SGO2: variants seen among roughly 807,000 people sequenced by gnomAD.
SGO2 encodes shugoshin-like 2.
Under a neutral mutation model 99.5 loss-of-function variants are expected in SGO2, and 68 were observed. That is an observed-to-expected ratio of 0.68 (90% confidence interval 0.56 to 0.84). SGO2 has a LOEUF of 0.84. Ranked by LOEUF, SGO2 falls within the 40% of genes least tolerant of loss-of-function variation. The pLI is 0.00. For missense variants in SGO2, 1,350 were observed against 1,436.7 expected, an observed-to-expected ratio of 0.94 and a Z score of 0.97; for synonymous variants, 457 against 487.1, an observed-to-expected ratio of 0.94 and a Z score of 0.81.
At chr2:200,533,178 C>T in intron 2 of SGO2, 70 bp downstream of exon 2, 1 of 1,436,646 alleles carries the variant, frequency 7.0e-7, no homozygotes, top group Non-Finnish European at 9.3e-7. Context: ...TATTTGCTAC[C>T]TTATTTTATC....
At chr2:200,552,509 C>A (rs553648210) in intron 5 of SGO2, among the ~76,000 whole-genome samples, 1 of 152,056 alleles carries the variant, frequency 6.6e-6, no homozygotes, top group Admixed American at 6.6e-5. Flanking sequence ...TGATCATATG[C>A]GAAACAAGGG....
At chr2:200,566,776 C>T (rs2033204540) in intron 5 of SGO2, among the ~76,000 whole-genome samples, 1 of 152,186 alleles carries the variant, frequency 6.6e-6, no homozygotes, top group South Asian at 2.1e-4. Flanking sequence ...ATGGCGGGCA[C>T]CCGTCCCCCC....
intron 2 of SGO2, among the ~76,000 whole-genome samples, chr2:200,533,641 CAA>C (rs373380994): frequency 7.3e-6 from 1 of 136,356 alleles, no homozygotes; most frequent in South Asian, 2.3e-4. Flanking sequence ...ATCAGAAGGG[CAA>C]AAAAAAAAGG....
intron 8 of SGO2, among the ~76,000 whole-genome samples, chr2:200,578,189 G>A (rs1037644865): frequency 3.1e-4 from 6 of 19,404 alleles, no homozygotes; most frequent in East Asian, 7.4e-3. Flanking sequence ...GATATATATC[G>A]TGGGTATCTC....
At chr2:200,537,228 A>G (rs974128402) in intron 4 of SGO2, among the ~76,000 whole-genome samples, 1 of 152,006 alleles carries the variant, frequency 6.6e-6, no homozygotes, top group Admixed American at 6.6e-5. Context: ...TCCCTCTTGC[A>G]TCATTAATTT....
At chr2:200,576,560 C>A (rs10931907) in intron 8 of SGO2, among the ~76,000 whole-genome samples, 119,253 of 152,052 alleles carry the variant, frequency 0.78, 46,882 homozygotes, top group Middle Eastern at 0.82. Context: ...TGGGTGACAG[C>A]GTGAAACTGT....
chr2:200,528,726 T>C (rs925680373), intron 1 of SGO2, among the ~76,000 whole-genome samples: 1 of 152,002 alleles, frequency 6.6e-6, no homozygotes, highest in Admixed American at 6.5e-5. Context: ...GTCCAGGGAG[T>C]ATATGTAAAT....
rs767294473 is a variant in SGO2, at chr2:200,572,210, A to G, written c.1864A>G (p.Ile622Val). 6.2e-7 allele frequency: 1 copy of G among 1,612,876 alleles called. No individual in the cohort carries two copies. The highest frequency in any genetic ancestry group is 1.7e-5 in the Admixed American group (1 of 59,956). Residue 622 changes from isoleucine to valine, a missense_variant, in exon 7 of 9, where the codon ATA (isoleucine) becomes GTA (valine). Ile to Val is a conservative substitution (Grantham distance 29). Coordinates refer to ENST00000357799, the MANE Select transcript of SGO2 (RefSeq NM_152524.6). ...LRKKVNRKTEIISGMNHMYED... is the reference protein window; with the variant it reads ...LRKKVNRKTEVISGMNHMYED... ...AAAGAAAGTAAACCGGAAGACAGAA[A>G]TAATTTCTGGAATGAACCACATGTA...
chr2:200,580,202 T>A (rs2033795080), intron 8 of SGO2, among the ~76,000 whole-genome samples: 1 of 152,184 alleles, frequency 6.6e-6, no homozygotes, highest in African/African-American at 2.4e-5. Flanking sequence ...ATTTCAAATT[T>A]ATTTGCATAA....
At chr2:200,556,588 A>G (rs1251804774) in intron 5 of SGO2, among the ~76,000 whole-genome samples, 2 of 152,204 alleles carry the variant, frequency 1.3e-5, no homozygotes, top group Non-Finnish European at 2.9e-5. Context: ...TCAACAAATG[A>G]TAAAGATCAC....
chr2:200,563,207 C>T (rs1404878903), intron 5 of SGO2, among the ~76,000 whole-genome samples: 1 of 152,088 alleles, frequency 6.6e-6, no homozygotes, highest in African/African-American at 2.4e-5. Context: ...TCATAAATGA[C>T]TCTTATTATT....
At chr2:200,548,547 T>G (rs967735780) in intron 5 of SGO2, among the ~76,000 whole-genome samples, 1 of 152,032 alleles carries the variant, frequency 6.6e-6, no homozygotes, top group Non-Finnish European at 1.5e-5. Context: ...TAAAAATACA[T>G]GTCAAGGAAT....
intron 5 of SGO2, among the ~76,000 whole-genome samples, chr2:200,560,044 G>T (rs779156170): frequency 3.0e-4 from 45 of 152,260 alleles, no homozygotes; most frequent in Non-Finnish European, 5.9e-4. Context: ...ATGTATGGCA[G>T]CTGTGTCTAG....
intron 5 of SGO2, among the ~76,000 whole-genome samples, chr2:200,549,881 G>A (rs1316250103): frequency 6.6e-6 from 1 of 152,078 alleles, no homozygotes; most frequent in Non-Finnish European, 1.5e-5. Flanking sequence ...GAGCAACTAA[G>A]CAAGAAAACA....
intron 5 of SGO2, among the ~76,000 whole-genome samples, chr2:200,563,759 A>G (rs184069915): frequency 5.6e-4 from 85 of 152,292 alleles, no homozygotes; most frequent in East Asian, 1.9e-3. Flanking sequence ...CTATTCAGGG[A>G]TTCAACTTCT....
chr2:200,566,667 G>A (rs532320379), intron 5 of SGO2, among the ~76,000 whole-genome samples: 117 of 152,304 alleles, frequency 7.7e-4, no homozygotes, highest in Middle Eastern at 3.4e-3. Context: ...CTCCGCCAGA[G>A]GTGGAGTCTA....
chr2:200,548,709 TAGAC>T (rs371462240), intron 5 of SGO2, among the ~76,000 whole-genome samples: 94 of 152,202 alleles, frequency 6.2e-4, no homozygotes, highest in African/African-American at 2.1e-3. Flanking sequence ...AACCTTTAGC[TAGAC>T]TGAGAGAGAG....
At chr2:200,554,567 G>A (rs959656418) in intron 5 of SGO2, among the ~76,000 whole-genome samples, 6 of 152,100 alleles carry the variant, frequency 3.9e-5, no homozygotes, top group African/African-American at 1.2e-4. Context: ...AGCCACAATC[G>A]ACAAGGAAAT....
intron 5 of SGO2, among the ~76,000 whole-genome samples, chr2:200,551,767 T>C (rs990062980): frequency 1.3e-5 from 2 of 152,120 alleles, no homozygotes; most frequent in Admixed American, 6.6e-5. Context: ...TCCACCCCAC[T>C]GCAGTGTCAT....
Sources: allele counts gnomAD v4.1 joint callset (sites outside exome capture counted in the v4.1 genomes callset), GRCh38; gene constraint gnomAD v4.1.1; transcripts MANE v1.5; gene names NCBI Gene and HGNC (gene_info 2026-07-23, HGNC 2026-07-21).